Variants in AGT observed in about 807,000 individuals in gnomAD.
AGT encodes the protein alpha-1 antiproteinase, antitrypsin.
Under a neutral mutation model 28.1 loss-of-function variants are expected in AGT, and 26 were observed. The observed-to-expected ratio is 0.92, with a 90% CI of 0.68 to 1.28. AGT has a LOEUF of 1.28. Among genes scored for constraint, AGT ranks in the 50% most tolerant of loss-of-function variants. The pLI, the probability that AGT is intolerant of heterozygous loss-of-function variation, is 0.00. For missense variants in AGT, 596 were observed against 592.3 expected (o/e 1.01, Z -0.06); for synonymous variants, 259 against 259.6 (o/e 1.00, Z 0.02).
intron 1 of AGT, among the ~76,000 whole-genome samples, chr1:230,728,245 G>A (rs1663987488): frequency 6.6e-6 from 1 of 152,154 alleles, no homozygotes; most frequent in African/African-American, 2.4e-5. Context: ...AGGAGTAATT[G>A]AGAAAGTTGC....
At chr1:230,723,097 G>T (rs992556964) in intron 1 of AGT, among the ~76,000 whole-genome samples, 1 of 152,168 alleles carries the variant, frequency 6.6e-6, no homozygotes, top group Non-Finnish European at 1.5e-5. Context: ...ATTCTCATGA[G>T]AGTGAGTTTG....
chr1:230,717,428 A>G (rs1663759578), upstream of AGT, among the ~76,000 whole-genome samples: 1 of 152,174 alleles, frequency 6.6e-6, no homozygotes, highest in East Asian at 1.9e-4. Context: ...AGGAAAGCAG[A>G]TTATTTATTT....
intron 2 of AGT, among the ~76,000 whole-genome samples, chr1:230,709,507 G>A (rs1663508030): frequency 6.6e-6 from 1 of 151,984 alleles, no homozygotes; most frequent in Non-Finnish European, 1.5e-5. Flanking sequence ...AACATGAAAG[G>A]GATTTAAGCA....
At position 230,703,296 on chromosome 1, in the gene AGT, C is replaced by T. The variant is rs1239431944; in HGVS notation, c.1276G>A (p.Asp426Asn). 1 of 1,614,104 alleles carries T rather than the reference C, an allele frequency of 6.2e-7. No homozygotes were observed. The highest frequency in any genetic ancestry group is 8.5e-7 in the Non-Finnish European group (1 of 1,180,056). The change falls in exon 5 of 5, where the codon GAT becomes AAT. Residue 426 changes from aspartate (D) to asparagine (N), a missense_variant. Physicochemically the swap from Asp to Asn is conservative, Grantham distance 23. Coordinates refer to ENST00000366667, the MANE Select transcript of AGT (RefSeq NM_001384479.1). ...LNSIFFELEA[D>N]EREPTESTQQ... Reference sequence around the variant, plus strand: ...GTAGACTCTGTGGGCTCTCTCTCATCCGCTTCAAGCTCAAAAAAAATGCTG... The same window carrying T: ...GTAGACTCTGTGGGCTCTCTCTCATTCGCTTCAAGCTCAAAAAAAATGCTG...
chr1:230,705,777 C>G (rs971312555), intron 3 of AGT, among the ~76,000 whole-genome samples, 156 bp downstream of exon 3: 1 of 152,188 alleles, frequency 6.6e-6, no homozygotes, highest in Non-Finnish European at 1.5e-5. Flanking sequence ...GACTGGTAGA[C>G]AGACACACAG....
chr1:230,720,300 C>T (rs1313703070), intron 1 of AGT, among the ~76,000 whole-genome samples: 1 of 152,138 alleles, frequency 6.6e-6, no homozygotes, highest in Non-Finnish European at 1.5e-5. Flanking sequence ...TGTTTCTTAC[C>T]TTGCAAACTC....
intron 1 of AGT, among the ~76,000 whole-genome samples, chr1:230,732,155 G>GTTGTTTGT (rs373266474): frequency 6.6e-6 from 1 of 151,982 alleles, no homozygotes; most frequent in Non-Finnish European, 1.5e-5. Flanking sequence ...ATTATTTTTT[G>GTTGTTTGT]TTGTTTGTTT....
intron 1 of AGT, among the ~76,000 whole-genome samples, chr1:230,721,991 T>C (rs550846492): frequency 1.3e-5 from 2 of 151,956 alleles, no homozygotes; most frequent in African/African-American, 2.4e-5. Context: ...CTCCAGGGCA[T>C]GTCAGAGACC....
Position 230,703,177 on chromosome 1 carries a change from G to A in AGT, c.1395C>T (p.Phe465=), listed in dbSNP as rs1663280326. Residue 465 remains phenylalanine, a synonymous_variant, in exon 5 of 5, where the codon TTC becomes TTT. Transcript: ENST00000366667. ...VYDQSATALH[F]LGRVANPLST... is the part of the protein sequence containing the mutation. ...TCAGCGGGTTGGCCACGCGGCCCAG[G>A]AAGTGCAGGGCAGTGGCGCTTTGAT... 1 of 1,614,018 alleles carries A rather than the reference G, an allele frequency of 6.2e-7. No individual in the cohort carries two copies. Among genetic ancestry groups the A allele is most frequent in the Non-Finnish European group, 8.5e-7 (1 of 1,180,064 alleles).
upstream of AGT, among the ~76,000 whole-genome samples, chr1:230,718,418 A>G (rs1663780437): frequency 6.6e-6 from 1 of 152,132 alleles, no homozygotes; most frequent in South Asian, 2.1e-4. Flanking sequence ...TTTTAGCAAA[A>G]ATCCCAAGTG....
upstream of AGT, among the ~76,000 whole-genome samples, chr1:230,719,512 A>T (rs1024555937): frequency 2.0e-5 from 3 of 148,676 alleles, no homozygotes; most frequent in Non-Finnish European, 4.4e-5. Flanking sequence ...GGTTCACGCC[A>T]TTCTCCTGTC....
At chr1:230,722,316 T>C (rs1260468120) in intron 1 of AGT, among the ~76,000 whole-genome samples, 1 of 152,244 alleles carries the variant, frequency 6.6e-6, no homozygotes, top group Non-Finnish European at 1.5e-5. Context: ...AGAAGTCTAC[T>C]GCAGGGGTGG....
chr1:230,743,278 A>T (rs1478972868), intron 1 of AGT, among the ~76,000 whole-genome samples: 1 of 152,208 alleles, frequency 6.6e-6, no homozygotes, highest in Non-Finnish European at 1.5e-5. Flanking sequence ...GGTGTGAGCC[A>T]TTGCACGCAG....
intron 1 of AGT, among the ~76,000 whole-genome samples, chr1:230,740,122 G>C (rs943074518): frequency 6.6e-6 from 1 of 152,198 alleles, no homozygotes; most frequent in Non-Finnish European, 1.5e-5. Context: ...TTAGACTATA[G>C]AGGATGACTT....
chr1:230,744,931 G>T (rs1208034409), intron 1 of AGT, among the ~76,000 whole-genome samples: 1 of 152,180 alleles, frequency 6.6e-6, no homozygotes, highest in African/African-American at 2.4e-5. Flanking sequence ...CCCTGCCGAG[G>T]TGTCACCAGA....
intron 1 of AGT, among the ~76,000 whole-genome samples, chr1:230,741,386 G>A (rs1312356591): frequency 6.6e-6 from 1 of 152,254 alleles, no homozygotes; most frequent in Non-Finnish European, 1.5e-5. Flanking sequence ...TCGTCCACGA[G>A]CCTATGCGCC....
chr1:230,717,880 G>A (rs770727721), upstream of AGT, among the ~76,000 whole-genome samples: 1 of 152,106 alleles, frequency 6.6e-6, no homozygotes, highest in Non-Finnish European at 1.5e-5. Flanking sequence ...ATTTTCTTAA[G>A]TTGGCTCACA....
rs5044 is a variant in AGT, at chr1:230,702,718, A to C, written c.*423T>G. 4.2e-3 allele frequency: 941 copies of C among 224,110 alleles called. 9 individuals are homozygous for C. Among genetic ancestry groups the C allele is most frequent in the African/African-American group, 0.02 (901 of 44,534 alleles). 13.9% of individuals were successfully genotyped at this position (224,110 alleles called of 1,614,324 possible). On this transcript the variant is annotated 3_prime_UTR_variant, in exon 5 of 5. Transcript: ENST00000366667. Reference sequence around the variant, plus strand: ...CATGTTCTTACATTCAAGACACTAAATACAAACCGAAGGCAATGCAAAAAT... The same window carrying C: ...CATGTTCTTACATTCAAGACACTAACTACAAACCGAAGGCAATGCAAAAAT...
At chr1:230,706,754 C>T (rs1251380039) in intron 2 of AGT, among the ~76,000 whole-genome samples, 2 of 152,186 alleles carry the variant, frequency 1.3e-5, no homozygotes, top group African/African-American at 4.8e-5. Context: ...ACTGACACGT[C>T]CTCAGCACTC....
Sources: gnomAD v4.1 joint callset for allele counts (sites outside exome capture counted in the v4.1 genomes callset) on GRCh38, gnomAD v4.1.1 for gene constraint, MANE v1.5 for transcripts, NCBI Gene and HGNC (gene_info 2026-07-23, HGNC 2026-07-21) for gene names.